Variants in CSTPP1 observed in about 807,000 individuals in gnomAD.
CSTPP1 encodes the protein UPF0705 protein C11orf49.
chr11:47,140,538 C>CT, the CSTPP1 span, among the ~76,000 whole-genome samples: 1 of 152,122 alleles, frequency 6.6e-6, no homozygotes, highest in South Asian at 2.1e-4. Context: ...TCAAGTGATT[C>CT]TCCTGCCTCA....
chr11:46,953,185 G>A, the CSTPP1 span, among the ~76,000 whole-genome samples: 1 of 152,142 alleles, frequency 6.6e-6, no homozygotes, highest in Non-Finnish European at 1.5e-5. Flanking sequence ...GAGTAGTGTG[G>A]CAAGATGCCT....
the CSTPP1 span, among the ~76,000 whole-genome samples, chr11:47,121,240 CCTGT>C: frequency 6.6e-6 from 1 of 152,160 alleles, no homozygotes; most frequent in Admixed American, 6.5e-5. Context: ...CCTTGTTTAC[CCTGT>C]CTAATCTGTA....
the CSTPP1 span, among the ~76,000 whole-genome samples, chr11:47,139,068 C>T: frequency 2.0e-5 from 3 of 148,766 alleles, no homozygotes; most frequent in South Asian, 2.1e-4. Context: ...TCGAAGAATG[C>T]CTACCTTCCC....
the CSTPP1 span, among the ~76,000 whole-genome samples, chr11:47,119,261 G>A: frequency 1.3e-5 from 2 of 152,270 alleles, no homozygotes; most frequent in Non-Finnish European, 2.9e-5. Context: ...GACCTGCCAA[G>A]CTTGGCACAG....
the CSTPP1 span, chr11:47,162,151 G>T: frequency 3.0e-6 from 3 of 985,792 alleles, no homozygotes; most frequent in Admixed American, 1.2e-4. Context: ...GCCAGAAGAT[G>T]ATTTCACTTG....
chr11:47,143,491 T>C, the CSTPP1 span, among the ~76,000 whole-genome samples: 8 of 152,318 alleles, frequency 5.3e-5, no homozygotes, highest in East Asian at 1.9e-4. Flanking sequence ...TTCAGGGGCA[T>C]GGTGTCTCCA....
chr11:47,104,895 G>C, the CSTPP1 span, among the ~76,000 whole-genome samples: 1 of 152,228 alleles, frequency 6.6e-6, no homozygotes, highest in Non-Finnish European at 1.5e-5. Flanking sequence ...GTTTACATCT[G>C]TTTGTCTCAA....
At chr11:46,955,248 C>T in the CSTPP1 span, among the ~76,000 whole-genome samples, 44 of 152,254 alleles carry the variant, frequency 2.9e-4, no homozygotes, top group Non-Finnish European at 6.0e-4. Flanking sequence ...GGCCTCCTGA[C>T]CCCACTTTCT....
At chr11:47,157,529 G>A in the CSTPP1 span, among the ~76,000 whole-genome samples, 1 of 152,180 alleles carries the variant, frequency 6.6e-6, no homozygotes, top group Non-Finnish European at 1.5e-5. Flanking sequence ...TACACAAAGA[G>A]AGGGGTAAGC....
At chr11:47,075,990 G>A in the CSTPP1 span, among the ~76,000 whole-genome samples, 1 of 146,286 alleles carries the variant, frequency 6.8e-6, no homozygotes, top group Non-Finnish European at 1.5e-5. Context: ...CTGGGAGTGA[G>A]AGGGGAGCTG....
the CSTPP1 span, among the ~76,000 whole-genome samples, chr11:47,081,008 CAAAA>C: frequency 1.3e-5 from 1 of 79,850 alleles, no homozygotes; most frequent in African/African-American, 4.7e-5. Context: ...GACCCCATCT[CAAAA>C]AAAAAAAAAA....
chr11:47,123,953 AAAAC>A, the CSTPP1 span, among the ~76,000 whole-genome samples: 20 of 152,144 alleles, frequency 1.3e-4, no homozygotes, highest in South Asian at 4.2e-4. Flanking sequence ...TCTGTCTCAA[AAAAC>A]AAACAAACAA....
chr11:46,987,221 C>A, the CSTPP1 span: 2 of 1,614,136 alleles, frequency 1.2e-6, no homozygotes, highest in South Asian at 2.2e-5. Flanking sequence ...AGCGACATGT[C>A]CTCACCTACA....
chr11:47,119,507 GGAAATGCA>G, the CSTPP1 span, among the ~76,000 whole-genome samples: 2 of 151,722 alleles, frequency 1.3e-5, no homozygotes, highest in African/African-American at 4.8e-5. Flanking sequence ...TACCTCAGTT[GGAAATGCA>G]GAAATCACCC....
At chr11:47,157,083 C>T in the CSTPP1 span, 1 of 1,614,212 alleles carries the variant, frequency 6.2e-7, no homozygotes. Flanking sequence ...AACCCCAACA[C>T]AGTGATTGTG....
chr11:47,090,449 T>C, the CSTPP1 span, among the ~76,000 whole-genome samples: 3 of 151,904 alleles, frequency 2.0e-5, no homozygotes, highest in Admixed American at 2.0e-4. Flanking sequence ...CTATCAAATA[T>C]TAAAATGTCT....
chr11:47,050,665 C>T, the CSTPP1 span, among the ~76,000 whole-genome samples: 10 of 152,176 alleles, frequency 6.6e-5, no homozygotes, highest in Non-Finnish European at 4.4e-5. Flanking sequence ...TGGACAGTTT[C>T]ATAAATTTAG....
chr11:47,121,421 G>A, the CSTPP1 span, among the ~76,000 whole-genome samples: 1 of 152,058 alleles, frequency 6.6e-6, no homozygotes, highest in Non-Finnish European at 1.5e-5. Flanking sequence ...TTGCCTATTA[G>A]TTAAGTTTTA....
At chr11:47,137,993 C>T in the CSTPP1 span, 1 of 546,176 alleles carries the variant, frequency 1.8e-6, no homozygotes, top group Non-Finnish European at 3.3e-6. Context: ...GCAGAAAAAG[C>T]CCAGACCCCT....
Sources: gnomAD v4.1 joint callset for allele counts (sites outside exome capture counted in the v4.1 genomes callset) on GRCh38, gnomAD v4.1.1 for gene constraint, MANE v1.5 for transcripts, NCBI Gene and HGNC (gene_info 2026-07-23, HGNC 2026-07-21) for gene names.